PNPLA7: variants seen among roughly 807,000 people sequenced by gnomAD.
PNPLA7 encodes the protein patatin-like phospholipase domain-containing protein 7.
PNPLA7 carries 153 observed loss-of-function variants against 161.7 expected under a neutral mutation model. The ratio of observed to expected loss-of-function variants is 0.95; its 90% CI spans 0.83 to 1.08. PNPLA7 has a LOEUF of 1.08. Among genes scored for constraint, PNPLA7 ranks in the 50% least tolerant of loss-of-function variants. PNPLA7 has a pLI of 0.00. For synonymous variants in PNPLA7, 809 were observed against 782.1 expected, an observed-to-expected ratio of 1.03 and a Z score of -0.57; for missense variants, 1,739 against 1,856.6, an observed-to-expected ratio of 0.94 and a Z score of 1.16.
intron 20 of PNPLA7, chr9:137,491,726 A>G: frequency 1.0e-6 from 1 of 985,438 alleles, no homozygotes; most frequent in Non-Finnish European, 1.2e-6. Flanking sequence ...CTGTGCATCC[A>G]TCCGCTTCTT....
At chr9:137,505,886 C>T (rs545535108) in intron 13 of PNPLA7, 97 bp downstream of exon 13, 110 of 1,528,956 alleles carry the variant, frequency 7.2e-5, no homozygotes, top group Middle Eastern at 7.1e-4. Flanking sequence ...CTGCAGGTGC[C>T]ACATGACACC....
In PNPLA7 at chr9:137,467,914, T is replaced by G. The variant is rs141747326; in HGVS notation, c.2883-441A>C. Among the ~76,000 whole-genome samples, 5 of 151,890 alleles carry G rather than the reference T, an allele frequency of 3.3e-5. No individual in the cohort carries two copies. In the East Asian group the frequency reaches 9.7e-4, roughly 30 times the overall value. ...CTCTGACTCAAAATAAATAAATAAA[T>G]AAATTAATTAAATAAATGAAATCCT... is the stretch of plus-strand genomic sequence containing the variant. On this transcript the variant is annotated intron_variant, in intron 25 of 34. Coordinates refer to ENST00000406427, the MANE Select transcript of PNPLA7 (RefSeq NM_001098537.3). The surrounding 1 kb of genome is among the most constrained non-coding windows in gnomAD (Gnocchi z 5.1).
rs1376960764 is a variant in PNPLA7, at chr9:137,505,722, C to G, written c.1365G>C (p.Thr455=). 2 of 1,614,096 alleles carry G rather than the reference C, an allele frequency of 1.2e-6. No homozygotes were observed. Among genetic ancestry groups the G allele is most frequent in the Non-Finnish European group, 1.7e-6 (2 of 1,180,030 alleles). ...TGTGACTCTCTGAGTGCTGGGAGACCGTGGAGGGTATCTCTGCAACCATCA... is the reference window on the plus strand; with the variant it reads ...TGTGACTCTCTGAGTGCTGGGAGACGGTGGAGGGTATCTCTGCAACCATCA... ...KSVMVAEIPS[T]VSQHSESHTD... Residue 455 remains threonine (T), a synonymous_variant, in exon 14 of 35, where the codon ACG becomes ACC. Transcript: ENST00000406427.
intron 12 of PNPLA7, among the ~76,000 whole-genome samples, chr9:137,508,422 C>T (rs1239234084): frequency 6.6e-6 from 1 of 151,824 alleles, no homozygotes; most frequent in African/African-American, 2.4e-5. Flanking sequence ...AAAAAATTAG[C>T]TGGGCATGGT....
At position 137,523,882 on chromosome 9, in the gene PNPLA7, G is replaced by T. The variant is rs1406369417; in HGVS notation, c.748-1025C>A. On this transcript the variant is annotated intron_variant, in intron 8 of 34. Coordinates refer to ENST00000406427, the MANE Select transcript of PNPLA7 (RefSeq NM_001098537.3). The surrounding 1 kb of genome is among the most constrained non-coding windows in gnomAD (Gnocchi z 4.4). Reference sequence around the variant, plus strand: ...CCTGACCTCGTGATCCGCCCACCTCGGCCTCCCAAAGTGCTGGGATTACCG... The same window carrying T: ...CCTGACCTCGTGATCCGCCCACCTCTGCCTCCCAAAGTGCTGGGATTACCG... Among the ~76,000 whole-genome samples, 1 of 151,832 alleles carries T rather than the reference G, an allele frequency of 6.6e-6. No homozygotes were observed.
rs1476034443 is a variant in PNPLA7 at position 137,524,199 on chromosome 9, C to T, written c.748-1342G>A. Reference sequence around the variant, plus strand: ...TCAAAATGTCACATAAATGGAGGCACAGAGTGTGGAGGCTTCCCTCAGCGG... The same window carrying T: ...TCAAAATGTCACATAAATGGAGGCATAGAGTGTGGAGGCTTCCCTCAGCGG... On this transcript the variant is annotated intron_variant, in intron 8 of 34. Coordinates refer to ENST00000406427, the MANE Select transcript of PNPLA7 (RefSeq NM_001098537.3). The surrounding 1 kb of genome is among the most constrained non-coding windows in gnomAD (Gnocchi z 4.4). Among the ~76,000 whole-genome samples the T allele has an allele frequency of 1.3e-5, 2 of 152,080 alleles. No homozygotes were observed.
At chr9:137,521,522 G>T in intron 10 of PNPLA7, 114 bp downstream of exon 10, 1 of 970,172 alleles carries the variant, frequency 1.0e-6, no homozygotes, top group Non-Finnish European at 1.6e-6. Context: ...GAAGACCACA[G>T]CTGTTGCTGG....
At chr9:137,522,317 G>A (rs2353073) in intron 9 of PNPLA7, among the ~76,000 whole-genome samples, 89,371 of 145,714 alleles carry the variant, frequency 0.61, 28,131 homozygotes, top group African/African-American at 0.8. Flanking sequence ...CTCGTGATCC[G>A]CCCACCTCGG....
Position 137,501,650 on chromosome 9 carries a change from C to G in PNPLA7, c.1551G>C (p.Gln517His). Residue 517 changes from glutamine to histidine, a missense_variant and splice_region_variant, in exon 15 of 35, where the codon CAG becomes CAC. Physicochemically the swap from Gln to His is conservative, Grantham distance 24. Around this residue, in one of 6 missense-constraint regions of PNPLA7, gnomAD observed 481 missense variants for 450.0 expected, o/e 1.07. Transcript: ENST00000406427. ...TGCCCCCCCCCAGACCCCCGCTCAC[C>G]TGGTCTCCCTGCCTTGACACCACCG... Reference protein sequence around the residue: ...AGTVVSRQGDQDASILFVVSG... With the variant: ...AGTVVSRQGDHDASILFVVSG... 6.2e-7 allele frequency: 1 copy of G among 1,612,142 alleles called. No homozygotes were observed. Among genetic ancestry groups the G allele is most frequent in the Non-Finnish European group, 8.5e-7 (1 of 1,179,684 alleles).
chr9:137,522,154 A>C (rs1297176661), intron 9 of PNPLA7, among the ~76,000 whole-genome samples: 3 of 152,184 alleles, frequency 2.0e-5, no homozygotes, highest in Non-Finnish European at 4.4e-5. Context: ...GGCTCACTGC[A>C]AGCTCCGCCT....
intron 7 of PNPLA7, among the ~76,000 whole-genome samples, chr9:137,542,372 G>A (rs1836251333): frequency 6.6e-6 from 1 of 152,168 alleles, no homozygotes; most frequent in African/African-American, 2.4e-5. Context: ...TCGAGAGGCT[G>A]AGGCGGGAGG....
intron 12 of PNPLA7, among the ~76,000 whole-genome samples, chr9:137,513,476 C>CAA (rs11422303): frequency 7.4e-4 from 91 of 122,412 alleles, no homozygotes; most frequent in Middle Eastern, 8.1e-3. Flanking sequence ...AACTCTGTCA[C>CAA]AAAAAAAAAA....
intron 25 of PNPLA7, among the ~76,000 whole-genome samples, chr9:137,471,184 A>G (rs1301811527): frequency 6.6e-6 from 1 of 152,268 alleles, no homozygotes; most frequent in Non-Finnish European, 1.5e-5. Context: ...AGTCAAAAAG[A>G]ATCTACAACA....
Position 137,547,674 on chromosome 9 carries a change from A to T in PNPLA7, c.31-15T>A. 6.2e-7 allele frequency: 1 copy of T among 1,612,592 alleles called. No individual in the cohort carries two copies. The highest frequency in any genetic ancestry group is 8.5e-7 in the Non-Finnish European group (1 of 1,179,604). On this transcript the variant is annotated splice_polypyrimidine_tract_variant and intron_variant, in intron 1 of 34. Coordinates refer to ENST00000406427, the MANE Select transcript of PNPLA7 (RefSeq NM_001098537.3). The surrounding 1 kb of genome is among the most constrained non-coding windows in gnomAD (Gnocchi z 4.6). ...CAGAAGTCAGCCTGCAGCAGAGAGC[A>T]TGGGGTCAGGTGGGCATGGACAGGC...
intron 10 of PNPLA7, 54 bp downstream of exon 10, chr9:137,521,580 TCC>T: frequency 6.4e-7 from 1 of 1,567,566 alleles, no homozygotes; most frequent in South Asian, 1.1e-5. Flanking sequence ...CCAATAGCTG[TCC>T]CGATGCCAGC....
chr9:137,520,027 G>T lies in PNPLA7; in HGVS notation c.974C>A (p.Pro325His). ...ELFNAESQAI[P>H]LVSVASVAAG... ...AGCCACACTGGCTACAGACACGAGAGGGATGGCCTGGCTCTCCTGGGACAC... is the reference window on the plus strand; with the variant it reads ...AGCCACACTGGCTACAGACACGAGATGGATGGCCTGGCTCTCCTGGGACAC... Residue 325 changes from proline to histidine, a missense_variant, in exon 11 of 35, where the codon CCT becomes CAT. Around this residue, in one of 6 missense-constraint regions of PNPLA7, gnomAD observed 152 missense variants for 193.5 expected, o/e 0.79. Transcript: ENST00000406427. The surrounding 1 kb of genome is among the most constrained non-coding windows in gnomAD (Gnocchi z 5.2). 1 of 1,612,482 alleles carries T rather than the reference G, an allele frequency of 6.2e-7. No individual in the cohort carries two copies.
At chr9:137,504,122 G>A (rs1564326215) in intron 14 of PNPLA7, among the ~76,000 whole-genome samples, 4 of 138,190 alleles carry the variant, frequency 2.9e-5, no homozygotes, top group South Asian at 2.4e-4. Flanking sequence ...AGAAGAAGAA[G>A]AAAAAAGGAA....
intron 20 of PNPLA7, chr9:137,491,694 T>G: frequency 1.0e-6 from 1 of 985,452 alleles, no homozygotes; most frequent in Non-Finnish European, 1.2e-6. Context: ...GGGCTCACAC[T>G]TCGCTGCCTC....
intron 26 of PNPLA7, among the ~76,000 whole-genome samples, chr9:137,466,932 G>A (rs1301607606): frequency 3.5e-5 from 4 of 114,362 alleles, no homozygotes; most frequent in Admixed American, 9.0e-5. Context: ...TCCCACCACC[G>A]TCTCCACCAT....
Sources: allele counts gnomAD v4.1 joint callset (sites outside exome capture counted in the v4.1 genomes callset), GRCh38; gene constraint gnomAD v4.1.1; regional missense constraint gnomAD v4.1.1; non-coding constraint Gnocchi (gnomAD v3.1); transcripts MANE v1.5; gene names NCBI Gene and HGNC (gene_info 2026-07-23, HGNC 2026-07-21).